The following CDH13 variants were observed in gnomAD, a reference collection of about 807,000 sequenced individuals.
The protein encoded by CDH13 is cadherin 13, also known as cadherin-13.
In CDH13, 24 loss-of-function variants were observed where a neutral mutation model predicts 63.8. The observed-to-expected ratio is 0.38, with a 90% CI of 0.27 to 0.53. CDH13 has a LOEUF of 0.53. CDH13 is among the 20% of genes least tolerant of loss of function. The pLI is 0.85. For synonymous variants in CDH13, 503 were observed against 355.3 expected, an observed-to-expected ratio of 1.42 and a Z score of -4.67; for missense variants, 1,049 against 903.1, an observed-to-expected ratio of 1.16 and a Z score of -2.07.
chr16:83,445,269 GCTTTTATA>G (rs1792386356), intron 6 of CDH13, among the ~76,000 whole-genome samples: 1 of 138,852 alleles, frequency 7.2e-6, no homozygotes, highest in African/African-American at 2.5e-5. Flanking sequence ...ATTTATAAAA[GCTTTTATA>G]ATTTATAAAA....
chr16:83,730,682 T>A (rs1263219445), intron 10 of CDH13, among the ~76,000 whole-genome samples: 4 of 152,228 alleles, frequency 2.6e-5, no homozygotes, highest in Non-Finnish European at 4.4e-5. Flanking sequence ...TTTGAGCTTT[T>A]AGATTCAGGG....
chr16:82,760,248 C>T (rs1327229031), intron 1 of CDH13, among the ~76,000 whole-genome samples: 1 of 152,110 alleles, frequency 6.6e-6, no homozygotes, highest in African/African-American at 2.4e-5. Flanking sequence ...GTAGAAGGAA[C>T]ATAGTACCGC....
At chr16:82,627,175 GT>G (rs1907382411) in intron 1 of CDH13, 38 bp downstream of exon 1, 2 of 1,563,552 alleles carry the variant, frequency 1.3e-6, no homozygotes, top group African/African-American at 2.7e-5. Context: ...TCTGCGCCCC[GT>G]TTCTGCATTC....
intron 5 of CDH13, among the ~76,000 whole-genome samples, chr16:83,302,154 A>C (rs911231046): frequency 2.6e-5 from 4 of 152,184 alleles, no homozygotes; most frequent in Admixed American, 2.0e-4. Flanking sequence ...AGAGTAAGCT[A>C]ACAAAGTTGA....
At chr16:82,898,298 G>C (rs1042168968) in intron 2 of CDH13, among the ~76,000 whole-genome samples, 1 of 152,162 alleles carries the variant, frequency 6.6e-6, no homozygotes, top group Admixed American at 6.5e-5. Flanking sequence ...GCCAAGGTGG[G>C]TGGATCACCC....
intron 1 of CDH13, among the ~76,000 whole-genome samples, chr16:82,660,098 T>C (rs905312709): frequency 6.6e-6 from 1 of 152,126 alleles, no homozygotes; most frequent in African/African-American, 2.4e-5. Flanking sequence ...CAGAAAGTAA[T>C]ACTGCATTTA....
intron 5 of CDH13, among the ~76,000 whole-genome samples, chr16:83,283,720 C>T (rs752406885): frequency 2.0e-4 from 31 of 152,238 alleles, no homozygotes; most frequent in Admixed American, 6.5e-4. Flanking sequence ...TTGCCATCAT[C>T]GGCCTCTCTG....
intron 2 of CDH13, among the ~76,000 whole-genome samples, chr16:82,976,662 T>C (rs572919961): frequency 1.8e-4 from 28 of 152,210 alleles, no homozygotes; most frequent in Non-Finnish European, 3.8e-4. Flanking sequence ...TGGTGGAGAA[T>C]GTAGGTGAGA....
chr16:82,802,528 C>G (rs181914108), intron 1 of CDH13, among the ~76,000 whole-genome samples: 1 of 152,120 alleles, frequency 6.6e-6, no homozygotes, highest in African/African-American at 2.4e-5. Context: ...TAAGACTTAG[C>G]AGCAAAAGGG....
intron 2 of CDH13, among the ~76,000 whole-genome samples, chr16:82,888,847 G>A (rs947729178): frequency 6.6e-5 from 10 of 152,202 alleles, no homozygotes; most frequent in Admixed American, 5.2e-4. Flanking sequence ...GTTTTCTATA[G>A]TCTGTCTTGT....
At chr16:83,418,846 C>T (rs757661315) in intron 6 of CDH13, among the ~76,000 whole-genome samples, 30 of 152,110 alleles carry the variant, frequency 2.0e-4, no homozygotes, top group Non-Finnish European at 3.2e-4. Flanking sequence ...CTTCTTTTCT[C>T]TCTGTGAAGG....
intron 2 of CDH13, among the ~76,000 whole-genome samples, chr16:82,877,842 A>G (rs1009499099): frequency 1.3e-5 from 2 of 149,892 alleles, no homozygotes; most frequent in African/African-American, 4.9e-5. Context: ...CCTGGGGGCC[A>G]GGGAAGACCT....
chr16:83,585,641 A>C (rs1425880235), intron 7 of CDH13, among the ~76,000 whole-genome samples: 6 of 152,046 alleles, frequency 3.9e-5, no homozygotes, highest in Admixed American at 3.9e-4. Context: ...GTGGAACCAA[A>C]GCTGGAGGAA....
chr16:83,527,095 C>T (rs1038517687), intron 7 of CDH13, among the ~76,000 whole-genome samples: 8 of 151,736 alleles, frequency 5.3e-5, no homozygotes, highest in Non-Finnish European at 8.8e-5. Flanking sequence ...TATGCCACTG[C>T]CCTGCAGCCT....
chr16:83,504,435 C>T (rs1440170194), intron 7 of CDH13, among the ~76,000 whole-genome samples: 1 of 152,200 alleles, frequency 6.6e-6, no homozygotes, highest in Non-Finnish European at 1.5e-5. Flanking sequence ...AGGGTTAATG[C>T]CACCAGAAGA....
At chr16:83,148,052 C>G (rs1459116018) in intron 4 of CDH13, among the ~76,000 whole-genome samples, 2 of 152,204 alleles carry the variant, frequency 1.3e-5, no homozygotes, top group Non-Finnish European at 2.9e-5. Context: ...ATTCTCCTGC[C>G]TCAGCCTCCT....
At chr16:83,231,688 G>A (rs1442422710) in intron 5 of CDH13, among the ~76,000 whole-genome samples, 1 of 152,156 alleles carries the variant, frequency 6.6e-6, no homozygotes, top group Non-Finnish European at 1.5e-5. Context: ...AGTTGTCAGA[G>A]TGTGGCCTGC....
chr16:83,297,085 G>A (rs2089618738), intron 5 of CDH13, among the ~76,000 whole-genome samples: 1 of 152,170 alleles, frequency 6.6e-6, no homozygotes, highest in Non-Finnish European at 1.5e-5. Context: ...AGCATGGGGG[G>A]AGAAGGGTAG....
intron 7 of CDH13, among the ~76,000 whole-genome samples, chr16:83,504,164 A>G (rs564535425): frequency 6.6e-6 from 1 of 152,330 alleles, no homozygotes; most frequent in South Asian, 2.1e-4. Flanking sequence ...CTGAATGGAC[A>G]TAGCCCATGC....
Sources: gnomAD v4.1 joint callset for allele counts (sites outside exome capture counted in the v4.1 genomes callset) on GRCh38, gnomAD v4.1.1 for gene constraint, MANE v1.5 for transcripts, NCBI Gene and HGNC (gene_info 2026-07-23, HGNC 2026-07-21) for gene names.